The following EPHA6 variants were observed in gnomAD, a reference collection of about 807,000 sequenced individuals.
EPHA6 encodes the protein EPH receptor A6, also known as ephrin type-A receptor 6.
EPHA6 carries 50 observed loss-of-function variants against 112.0 expected under a neutral mutation model. The ratio of observed to expected loss-of-function variants is 0.45; its 90% CI spans 0.36 to 0.56. The LOEUF is 0.56. Ranked by LOEUF, EPHA6 falls within the 20% of genes least tolerant of loss-of-function variation. The pLI, the probability that EPHA6 is intolerant of heterozygous loss-of-function variation, is 0.00. For missense variants in EPHA6, 1,280 were observed against 1,417.4 expected (o/e 0.90, Z 1.56); for synonymous variants, 529 against 490.7 (o/e 1.08, Z -1.03).
intron 2 of EPHA6, among the ~76,000 whole-genome samples, chr3:96,942,170 G>A (rs996017275): frequency 1.3e-5 from 2 of 152,212 alleles, no homozygotes; most frequent in Non-Finnish European, 2.9e-5. Flanking sequence ...AGTCTGCAGA[G>A]GTTACTGCTG....
chr3:97,265,848 G>A (rs542789375), intron 5 of EPHA6, among the ~76,000 whole-genome samples: 1 of 152,316 alleles, frequency 6.6e-6, no homozygotes, highest in Admixed American at 6.5e-5. Flanking sequence ...TGCTGCTATC[G>A]GGGTAGCCCT....
chr3:97,595,912 T>C (rs2093585294), intron 12 of EPHA6, among the ~76,000 whole-genome samples: 1 of 144,488 alleles, frequency 6.9e-6, no homozygotes, highest in African/African-American at 2.6e-5. Flanking sequence ...CTTTTTTTTT[T>C]TTTTTTTTTT....
intron 4 of EPHA6, among the ~76,000 whole-genome samples, chr3:97,233,018 G>A (rs577366560): frequency 2.6e-5 from 4 of 152,086 alleles, no homozygotes; most frequent in African/African-American, 4.8e-5. Context: ...GAGCCCACTC[G>A]TCCAATTCCT....
At chr3:97,585,461 T>C (rs1382635008) in intron 11 of EPHA6, among the ~76,000 whole-genome samples, 3 of 152,082 alleles carry the variant, frequency 2.0e-5, no homozygotes, top group Non-Finnish European at 2.9e-5. Context: ...AGGGAAAAAA[T>C]GAACATTTAT....
At chr3:96,870,297 G>A (rs969790489) in intron 2 of EPHA6, among the ~76,000 whole-genome samples, 1 of 151,980 alleles carries the variant, frequency 6.6e-6, no homozygotes, top group Non-Finnish European at 1.5e-5. Context: ...AGTGGGTACT[G>A]ACATCAGTTC....
intron 2 of EPHA6, among the ~76,000 whole-genome samples, chr3:96,906,296 T>C (rs2038930309): frequency 6.6e-6 from 1 of 152,082 alleles, no homozygotes; most frequent in African/African-American, 2.4e-5. Flanking sequence ...ATTTCCACTC[T>C]GTTCTGAGAC....
intron 3 of EPHA6, among the ~76,000 whole-genome samples, chr3:97,077,253 A>C (rs1482290932): frequency 6.6e-6 from 1 of 152,134 alleles, no homozygotes; most frequent in Non-Finnish European, 1.5e-5. Flanking sequence ...TAGGAGTTGG[A>C]AGAAGTTGAT....
chr3:97,559,689 G>A, intron 11 of EPHA6: 1 of 448,030 alleles, frequency 2.2e-6, no homozygotes, highest in Non-Finnish European at 4.5e-6. Context: ...GAGCTAATGT[G>A]TATGCTGTCA....
intron 3 of EPHA6, among the ~76,000 whole-genome samples, chr3:97,215,943 G>A (rs2078022456): frequency 6.6e-6 from 1 of 151,964 alleles, no homozygotes; most frequent in Non-Finnish European, 1.5e-5. Context: ...ATGCCTTTTT[G>A]ACAATTCACT....
intron 3 of EPHA6, among the ~76,000 whole-genome samples, chr3:97,180,801 G>T (rs1436472104): frequency 6.6e-6 from 1 of 152,050 alleles, no homozygotes; most frequent in Admixed American, 6.6e-5. Context: ...TTGGAACTGT[G>T]ATTTGTGCAG....
intron 15 of EPHA6, among the ~76,000 whole-genome samples, chr3:97,724,789 T>A (rs972126552): frequency 2.0e-5 from 3 of 151,708 alleles, no homozygotes; most frequent in African/African-American, 7.3e-5. Context: ...GAAAATGCAG[T>A]TTTCACTCTC....
intron 5 of EPHA6, among the ~76,000 whole-genome samples, chr3:97,262,913 A>C (rs533779385): frequency 6.6e-6 from 1 of 152,330 alleles, no homozygotes; most frequent in African/African-American, 2.4e-5. Context: ...ATGCATGAAC[A>C]GTTGAATAAG....
chr3:96,908,822 A>G (rs1364560461), intron 2 of EPHA6, among the ~76,000 whole-genome samples: 1 of 151,966 alleles, frequency 6.6e-6, no homozygotes, highest in African/African-American at 2.4e-5. Context: ...TTTGAAAGCC[A>G]AAGCTATCTG....
intron 2 of EPHA6, among the ~76,000 whole-genome samples, chr3:96,955,302 A>C (rs940406175): frequency 6.6e-6 from 1 of 152,170 alleles, no homozygotes; most frequent in African/African-American, 2.4e-5. Context: ...GTCTATGGAC[A>C]TATTATATCT....
chr3:96,930,564 T>G (rs977540825), intron 2 of EPHA6, among the ~76,000 whole-genome samples: 6 of 152,180 alleles, frequency 3.9e-5, no homozygotes, highest in African/African-American at 7.2e-5. Flanking sequence ...CATTGTAGCC[T>G]CCTCCTTCTG....
intron 12 of EPHA6, among the ~76,000 whole-genome samples, chr3:97,603,818 C>A (rs779997750): frequency 6.6e-6 from 1 of 151,886 alleles, no homozygotes; most frequent in Non-Finnish European, 1.5e-5. Context: ...GAAGCAATTT[C>A]AAACCTGTCA....
At chr3:97,244,543 A>G in intron 5 of EPHA6, 1 of 472,184 alleles carries the variant, frequency 2.1e-6, no homozygotes, top group East Asian at 3.1e-5. Context: ...GTATAATCAT[A>G]TAACAATATA....
intron 10 of EPHA6, among the ~76,000 whole-genome samples, chr3:97,504,556 G>T (rs1272169830): frequency 6.6e-6 from 1 of 152,046 alleles, no homozygotes; most frequent in Non-Finnish European, 1.5e-5. Context: ...TCCATTGCAG[G>T]CATGTCTGAG....
intron 3 of EPHA6, among the ~76,000 whole-genome samples, chr3:97,085,138 T>C (rs956208463): frequency 2.0e-5 from 3 of 152,170 alleles, no homozygotes; most frequent in African/African-American, 7.2e-5. Context: ...TGTGCTTAGC[T>C]TAATATCATC....
Sources: gnomAD v4.1 joint callset for allele counts (sites outside exome capture counted in the v4.1 genomes callset) on GRCh38, gnomAD v4.1.1 for gene constraint, MANE v1.5 for transcripts, NCBI Gene and HGNC (gene_info 2026-07-23, HGNC 2026-07-21) for gene names.